USH2A: variants seen among roughly 807,000 people sequenced by gnomAD.
USH2A encodes the protein Usher syndrome 2A (autosomal recessive, mild).
Under a neutral mutation model 538.9 loss-of-function variants are expected in USH2A, and 443 were observed. The observed-to-expected ratio is 0.82, with a 90% CI of 0.76 to 0.89. The LOEUF (loss-of-function observed/expected upper bound fraction) is 0.89. Among genes scored for constraint, USH2A ranks in the 40% least tolerant of loss-of-function variants. USH2A has a pLI of 0.00. For synonymous variants in USH2A, 2,413 were observed against 2,273.5 expected, an observed-to-expected ratio of 1.06 and a Z score of -1.75; for missense variants, 6,633 against 6,324.8, an observed-to-expected ratio of 1.05 and a Z score of -1.65.
Position 216,025,894 on chromosome 1 carries a change from C to T in USH2A, c.6325+20537G>A, listed in dbSNP as rs867755561. ...GTGGCAGAAAGTGACTTTCTAATCTCCCTACATGAAATAGATATTCAAAAA... is the reference window on the plus strand; with the variant it reads ...GTGGCAGAAAGTGACTTTCTAATCTTCCTACATGAAATAGATATTCAAAAA... On this transcript the variant is annotated intron_variant, in intron 32 of 71. Coordinates refer to ENST00000307340, the MANE Select transcript of USH2A (RefSeq NM_206933.4). 5.3e-5 allele frequency among the ~76,000 whole-genome samples: 8 copies of T among 152,112 alleles called. No individual in the cohort carries two copies. The South Asian group carries it at 8.3e-4, about 16-fold the overall frequency.
At position 215,685,136 on chromosome 1, in the gene USH2A, C is replaced by T. The variant is rs937442763; in HGVS notation, c.12067-4760G>A. On this transcript the variant is annotated intron_variant, in intron 61 of 71. Coordinates refer to ENST00000307340, the MANE Select transcript of USH2A (RefSeq NM_206933.4). ...TGACTTTGGATAGAGTACATCCAGGCAATTGGATGACTTTTATATGTCGTA... is the reference window on the plus strand; with the variant it reads ...TGACTTTGGATAGAGTACATCCAGGTAATTGGATGACTTTTATATGTCGTA... 7.9e-5 allele frequency among the ~76,000 whole-genome samples: 12 copies of T among 151,962 alleles called. 1 individual carries two copies. The highest frequency in any genetic ancestry group is 1.3e-4 in the Non-Finnish European group (9 of 67,984).
intron 38 of USH2A, among the ~76,000 whole-genome samples, chr1:215,930,175 A>C (rs1477500026): frequency 6.6e-6 from 1 of 152,080 alleles, no homozygotes; most frequent in African/African-American, 2.4e-5. Flanking sequence ...GGTGGCTCCA[A>C]GTTCCTTTCA....
chr1:216,262,046 T>C (rs140761898), intron 11 of USH2A, among the ~76,000 whole-genome samples: 372 of 152,216 alleles, frequency 2.4e-3, no homozygotes, highest in African/African-American at 8.6e-3. Context: ...CTTAACACTC[T>C]AGAACTTATC....
chr1:215,936,890 G>A (rs889855292), intron 37 of USH2A, among the ~76,000 whole-genome samples: 92 of 152,080 alleles, frequency 6.0e-4, no homozygotes, highest in African/African-American at 2.2e-3. Context: ...AAGAGGGTCT[G>A]ATATCTGGTT....
At chr1:216,229,163 G>A (rs1269727502) in intron 14 of USH2A, among the ~76,000 whole-genome samples, 3 of 151,458 alleles carry the variant, frequency 2.0e-5, no homozygotes, top group African/African-American at 7.3e-5. Flanking sequence ...GACAGAGTGT[G>A]AGACTCTGTC....
intron 11 of USH2A, among the ~76,000 whole-genome samples, chr1:216,277,280 G>C (rs781616653): frequency 2.0e-5 from 3 of 152,032 alleles, no homozygotes; most frequent in Non-Finnish European, 4.4e-5. Flanking sequence ...TCATTTCCTT[G>C]TTCCTGGGGC....
rs75210606 is a variant in USH2A, at chr1:215,663,996, A to G, written c.14133+6976T>C. Among the ~76,000 whole-genome samples, 794 of 152,250 alleles carry G rather than the reference A, an allele frequency of 5.2e-3. 45 individuals are homozygous for G. In the East Asian group the frequency reaches 0.14, roughly 26 times the overall value. ...CTGAGATGGGGCAAGGAGGGACAGA[A>G]TGAATGAATCCTACATCATCCGAGT... On this transcript the variant is annotated intron_variant, in intron 64 of 71. Transcript: ENST00000307340.
At chr1:215,756,269 C>T (rs987198319) in intron 58 of USH2A, among the ~76,000 whole-genome samples, 5 of 152,086 alleles carry the variant, frequency 3.3e-5, no homozygotes, top group Non-Finnish European at 7.4e-5. Context: ...GGATATGAAT[C>T]CAGGCTTTTT....
chr1:216,068,695 A>T (rs962944567), intron 30 of USH2A, among the ~76,000 whole-genome samples: 2 of 152,206 alleles, frequency 1.3e-5, no homozygotes, highest in African/African-American at 4.8e-5. Flanking sequence ...TTGATAGGAT[A>T]AGAGAAGCTT....
intron 28 of USH2A, 39 bp from the exon 29 acceptor site, chr1:216,073,008 C>T (rs752599326): frequency 6.2e-7 from 1 of 1,612,306 alleles, no homozygotes; most frequent in South Asian, 1.1e-5. Context: ...TAAAATAATA[C>T]TCATATAGAT....
intron 44 of USH2A, among the ~76,000 whole-genome samples, chr1:215,847,470 C>A (rs1341188113): frequency 6.6e-6 from 1 of 151,782 alleles, no homozygotes; most frequent in Non-Finnish European, 1.5e-5. Flanking sequence ...CGTGGCAATA[C>A]CCCATCTCTA....
intron 21 of USH2A, among the ~76,000 whole-genome samples, chr1:216,159,801 T>C (rs983922483): frequency 2.0e-5 from 3 of 152,108 alleles, no homozygotes; most frequent in Admixed American, 6.6e-5. Context: ...GTTTTCTTTA[T>C]GTAAAAGACT....
At chr1:216,123,422 C>T (rs73096657) in intron 21 of USH2A, among the ~76,000 whole-genome samples, 2,934 of 152,278 alleles carry the variant, frequency 0.019, 83 homozygotes, top group African/African-American at 0.066. Flanking sequence ...GACATATGTT[C>T]GGGTAAACCT....
At position 216,246,790 on chromosome 1, in the gene USH2A, A is replaced by G; in HGVS notation, c.2604T>C (p.Cys868=). 1 of 1,614,156 alleles carries G rather than the reference A, an allele frequency of 6.2e-7. No homozygotes were observed. The highest frequency in any genetic ancestry group is 8.5e-7 in the Non-Finnish European group (1 of 1,179,990). The change falls in exon 13 of 72, where the codon TGT becomes TGC. Residue 868 remains cysteine (C), a synonymous_variant. Transcript: ENST00000307340. Reference sequence around the variant, plus strand: ...GACCTGTTACCCCTAATTTGCAAGGACATTGTCCTGTTGATTTGTTACACA... The same window carrying G: ...GACCTGTTACCCCTAATTTGCAAGGGCATTGTCCTGTTGATTTGTTACACA... ...SLLCNKSTGQ[C]PCKLGVTGLR...
At chr1:216,233,410 T>C (rs899839533) in intron 13 of USH2A, among the ~76,000 whole-genome samples, 1 of 152,178 alleles carries the variant, frequency 6.6e-6, no homozygotes, top group Non-Finnish European at 1.5e-5. Flanking sequence ...CATAGCATCC[T>C]GTTTGTTTCC....
intron 26 of USH2A, 61 bp from the exon 27 acceptor site, chr1:216,078,423 G>A (rs2031828452): frequency 1.3e-6 from 2 of 1,511,652 alleles, no homozygotes; most frequent in Non-Finnish European, 1.8e-6. Flanking sequence ...GGCAGTTTGG[G>A]AGAGAGCAGA....
intron 21 of USH2A, among the ~76,000 whole-genome samples, chr1:216,129,024 G>C (rs2033315423): frequency 6.6e-6 from 1 of 151,930 alleles, no homozygotes; most frequent in Non-Finnish European, 1.5e-5. Context: ...TCTGTGCCTA[G>C]CTTATTTCAC....
chr1:216,317,412 G>T (rs1221972929), intron 9 of USH2A, among the ~76,000 whole-genome samples: 3 of 152,100 alleles, frequency 2.0e-5, no homozygotes, highest in Non-Finnish European at 4.4e-5. Context: ...GGGCTGTGGG[G>T]GGAAGAGCAT....
At chr1:216,204,677 A>G (rs1218698962) in intron 16 of USH2A, among the ~76,000 whole-genome samples, 1 of 152,142 alleles carries the variant, frequency 6.6e-6, no homozygotes, top group Non-Finnish European at 1.5e-5. Flanking sequence ...TAACCCAAAG[A>G]TTTGTGTTCA....
Sources: allele counts gnomAD v4.1 joint callset (sites outside exome capture counted in the v4.1 genomes callset), GRCh38; gene constraint gnomAD v4.1.1; transcripts MANE v1.5; gene names NCBI Gene and HGNC (gene_info 2026-07-23, HGNC 2026-07-21).